Variants in KLHL3 observed in about 807,000 individuals in gnomAD.
KLHL3 encodes the protein kelch-like protein 3.
In KLHL3, 19 loss-of-function variants were observed where a neutral mutation model predicts 70.5. The ratio of observed to expected loss-of-function variants is 0.27; its 90% CI spans 0.19 to 0.40. The LOEUF (loss-of-function observed/expected upper bound fraction) is 0.40, where lower values mean the gene tolerates loss of function less well. Ranked by LOEUF, KLHL3 falls within the 10% of genes least tolerant of loss-of-function variation. The probability of loss-of-function intolerance (pLI) is 1.00; values close to 1 mark genes in which losing one functional copy is unlikely to be tolerated. For missense variants in KLHL3, 512 were observed against 771.1 expected (o/e 0.66, Z 3.98); for synonymous variants, 258 against 290.3 (o/e 0.89, Z 1.13).
Position 137,682,018 on chromosome 5 carries a change from C to T in KLHL3, c.527-4364G>A, listed in dbSNP as rs377358186. ...GATAATAAAATTTGGGTGATATATT[C>T]CCAGGCAAGGGCTTTCTCTGGGGGT... is the stretch of plus-strand genomic sequence containing the variant. On this transcript the variant is annotated intron_variant, in intron 5 of 14. Transcript: ENST00000309755. Among the ~76,000 whole-genome samples the T allele has an allele frequency of 9.9e-5, 15 of 152,180 alleles. No individual in the cohort carries two copies. In the East Asian group the frequency reaches 1.9e-3, roughly 20 times the overall value.
At chr5:137,711,537 G>A (rs990624489) in intron 2 of KLHL3, among the ~76,000 whole-genome samples, 2 of 152,202 alleles carry the variant, frequency 1.3e-5, no homozygotes, top group Non-Finnish European at 2.9e-5. Flanking sequence ...TTCCTGGAAG[G>A]GTGAGACCTT....
At chr5:137,657,223 G>A (rs545589508) in intron 8 of KLHL3, among the ~76,000 whole-genome samples, 178 of 152,270 alleles carry the variant, frequency 1.2e-3, no homozygotes, top group African/African-American at 3.9e-3. Context: ...GCAGCCAGCT[G>A]GAAAGAGGAG....
intron 5 of KLHL3, among the ~76,000 whole-genome samples, chr5:137,684,522 T>C (rs1752115844): frequency 1.3e-5 from 2 of 152,048 alleles, no homozygotes; most frequent in South Asian, 4.1e-4. Context: ...TTCCATCCCA[T>C]GGCTGGAGGT....
chr5:137,627,488 CG>C (rs1554089726), intron 13 of KLHL3, among the ~76,000 whole-genome samples: 14 of 92,398 alleles, frequency 1.5e-4, no homozygotes, highest in African/African-American at 5.3e-4. Flanking sequence ...CCCCCCCCCC[CG>C]GTTTACACTT....
chr5:137,687,273 G>A (rs1416842271), intron 5 of KLHL3, among the ~76,000 whole-genome samples: 1 of 36,582 alleles, frequency 2.7e-5, no homozygotes, highest in African/African-American at 1.5e-4. Context: ...CAGCCGCCCT[G>A]TCCGGGAGGG....
At chr5:137,638,924 G>C (rs756641859) in intron 10 of KLHL3, 29 bp downstream of exon 10, 1 of 1,599,758 alleles carries the variant, frequency 6.3e-7, no homozygotes, top group Non-Finnish European at 8.6e-7. Context: ...CCCAGGCTAG[G>C]AGGGGTTGGG....
At chr5:137,725,165 G>T in intron 1 of KLHL3, 1 of 466,274 alleles carries the variant, frequency 2.1e-6, no homozygotes, top group Non-Finnish European at 2.8e-6. Context: ...AAGGCTAGTG[G>T]ATCCCCTCTC....
intron 6 of KLHL3, 173 bp downstream of exon 6, chr5:137,677,372 T>C (rs568934104): frequency 3.8e-4 from 176 of 467,644 alleles, no homozygotes; most frequent in African/African-American, 2.7e-3. Flanking sequence ...CACTTGAACC[T>C]GGGAGGCGGA....
At chr5:137,708,399 G>A (rs1752725350) in intron 3 of KLHL3, among the ~76,000 whole-genome samples, 1 of 152,216 alleles carries the variant, frequency 6.6e-6, no homozygotes, top group South Asian at 2.1e-4. Flanking sequence ...GCAAGCTTGT[G>A]TTCATTCTTC....
intron 4 of KLHL3, among the ~76,000 whole-genome samples, chr5:137,697,195 G>A (rs549341512): frequency 5.3e-5 from 8 of 149,642 alleles, no homozygotes; most frequent in South Asian, 2.1e-4. Flanking sequence ...ACAGAGTCTC[G>A]CTCTGTCATC....
In KLHL3 at chr5:137,692,270, C is replaced by T. The variant is rs1180476710; in HGVS notation, c.526+15G>A. Reference sequence around the variant, plus strand: ...ACAAACTCGGAGGAGGTGCAGCAGTCCGGCTCCCCCTTACCTGCGTAGGCA... The same window carrying T: ...ACAAACTCGGAGGAGGTGCAGCAGTTCGGCTCCCCCTTACCTGCGTAGGCA... On this transcript the variant is annotated intron_variant, in intron 5 of 14. Transcript: ENST00000309755. 2 of 1,606,270 alleles carry T rather than the reference C, an allele frequency of 1.2e-6. No homozygotes were observed. The highest frequency in any genetic ancestry group is 1.7e-6 in the Non-Finnish European group (2 of 1,176,426).
chr5:137,727,895 C>T (rs749799400), intron 1 of KLHL3, among the ~76,000 whole-genome samples: 12 of 152,108 alleles, frequency 7.9e-5, no homozygotes, highest in Non-Finnish European at 1.8e-4. Flanking sequence ...GTAACATTTG[C>T]CAATTTCCAG....
intron 1 of KLHL3, 157 bp from the exon 2 acceptor site, chr5:137,720,741 C>A: frequency 6.9e-7 from 1 of 1,448,660 alleles, no homozygotes; most frequent in East Asian, 2.5e-5. Context: ...CTGGGAATTT[C>A]TTCATATCTT....
At chr5:137,633,951 C>A in intron 12 of KLHL3, 86 bp downstream of exon 12, 1 of 1,553,226 alleles carries the variant, frequency 6.4e-7, no homozygotes. Flanking sequence ...CACATGTACC[C>A]TCTAAATCTA....
intron 14 of KLHL3, among the ~76,000 whole-genome samples, chr5:137,624,250 G>A (rs1750395736): frequency 6.6e-6 from 1 of 152,164 alleles, no homozygotes; most frequent in African/African-American, 2.4e-5. Flanking sequence ...TTGCAGGTTT[G>A]CTTGTCTCCT....
intron 3 of KLHL3, among the ~76,000 whole-genome samples, chr5:137,705,566 G>A (rs1455806815): frequency 1.3e-5 from 2 of 152,174 alleles, no homozygotes; most frequent in African/African-American, 4.8e-5. Flanking sequence ...ACTACATACA[G>A]TACAATATGA....
rs34378030 is a variant in KLHL3, at chr5:137,662,122, G to GAA, written c.637-92_637-91insTT. On this transcript the variant is annotated intron_variant, in intron 6 of 14. Coordinates refer to ENST00000309755, the MANE Select transcript of KLHL3 (RefSeq NM_017415.3). ...TGTAAAAAAAAAAAAAAAAGAGAGA[G>GAA]AGAAAAAGTTATGAGTCATCCACAA... 2,685 of 683,856 alleles carry GAA rather than the reference G, an allele frequency of 3.9e-3. 68 individuals are homozygous for GAA. In the African/African-American group the frequency reaches 0.045, roughly 11 times the overall value. 42.4% of individuals were successfully genotyped at this position (683,856 alleles called of 1,614,324 possible).
chr5:137,660,962 C>G (rs954719137), intron 7 of KLHL3: 1 of 152,914 alleles, frequency 6.5e-6, no homozygotes, highest in Non-Finnish European at 1.5e-5. Context: ...TCCTCTTTAT[C>G]CTTGCATCAT....
intron 2 of KLHL3, among the ~76,000 whole-genome samples, chr5:137,710,442 T>C (rs1752770944): frequency 6.6e-6 from 1 of 152,200 alleles, no homozygotes. Flanking sequence ...CCAATCACTG[T>C]AATTATTAAA....
Sources: gnomAD v4.1 joint callset for allele counts (sites outside exome capture counted in the v4.1 genomes callset) on GRCh38, gnomAD v4.1.1 for gene constraint, MANE v1.5 for transcripts, NCBI Gene and HGNC (gene_info 2026-07-23, HGNC 2026-07-21) for gene names.